The following AP1S2 variants were observed in gnomAD, a reference collection of about 807,000 sequenced individuals.
AP1S2 encodes adaptor related protein complex 1 subunit sigma 2.
In AP1S2, 1 loss-of-function variant was observed where a neutral mutation model predicts 14.3. The ratio of observed to expected loss-of-function variants is 0.07; its 90% CI spans 0.02 to 0.33. The LOEUF (loss-of-function observed/expected upper bound fraction) is 0.33, where lower values mean the gene tolerates loss of function less well. AP1S2 is among the 10% of genes least tolerant of loss of function. The probability of loss-of-function intolerance (pLI) is 0.99; values close to 1 mark genes in which losing one functional copy is unlikely to be tolerated. For synonymous variants in AP1S2, 30 were observed against 40.5 expected, an observed-to-expected ratio of 0.74 and a Z score of 0.99; for missense variants, 30 against 117.7, an observed-to-expected ratio of 0.25 and a Z score of 3.45.
chrX:15,825,809 A>C lies in AP1S2; in HGVS notation c.*1516T>G, dbSNP rs1343501476. ...AAGAGTAGAAAAGTCAACTGCATCA[A>C]GGTTTTAAAAGCAGCATTTATTGAT... On this transcript the variant is annotated 3_prime_UTR_variant, in exon 6 of 6. Coordinates refer to ENST00000672987, the MANE Select transcript of AP1S2 (RefSeq NM_001272071.2). 1 of 125,169 alleles carries C rather than the reference A, an allele frequency of 8.0e-6. No homozygotes were observed. The highest frequency in any genetic ancestry group is 1.6e-4 in the East Asian group (1 of 6,376). 10.3% of individuals were successfully genotyped at this position (125,169 alleles called of 1,213,427 possible).
chrX:15,835,241 C>G (rs1351869741), intron 4 of AP1S2, among the ~76,000 whole-genome samples: 3 of 112,187 alleles, frequency 2.7e-5, no homozygotes, highest in African/African-American at 9.7e-5. Context: ...AGTGTAATTT[C>G]AAGTTATTGC....
intron 4 of AP1S2, among the ~76,000 whole-genome samples, chrX:15,829,131 AC>A (rs1379544736): frequency 8.1e-5 from 9 of 111,116 alleles, no homozygotes; most frequent in African/African-American, 2.9e-4. Context: ...AGTGATGTGT[AC>A]ACGAGGGTTC....
chrX:15,832,178 C>G (rs1933456556), intron 4 of AP1S2: 2 of 729,509 alleles, frequency 2.7e-6, no homozygotes, highest in South Asian at 7.1e-5. Context: ...AGAAGGACTT[C>G]TAGGGGCTCT....
intron 4 of AP1S2, chrX:15,830,361 G>A (rs1479682905): frequency 1.3e-6 from 1 of 751,921 alleles, no homozygotes; most frequent in African/African-American, 2.3e-5. Context: ...GCACATCCAG[G>A]TGCTTCAAAT....
chrX:15,830,113 A>G (rs959584017), intron 4 of AP1S2: 2 of 747,162 alleles, frequency 2.7e-6, no homozygotes, highest in Non-Finnish European at 3.2e-6. Context: ...AGAATCTACT[A>G]ATTTAAAGCA....
chrX:15,837,412 C>T (rs973971860), intron 4 of AP1S2, among the ~76,000 whole-genome samples: 1 of 111,081 alleles, frequency 9.0e-6, no homozygotes, highest in African/African-American at 3.3e-5. Context: ...GCAGGGTATA[C>T]TCAATTCAGT....
At chrX:15,845,805 G>A (rs1347530240) in intron 3 of AP1S2, 98 bp downstream of exon 3, 26 of 780,433 alleles carry the variant, frequency 3.3e-5, no homozygotes, top group Admixed American at 6.9e-5. Flanking sequence ...CCTCTCCCGC[G>A]GTTAGAATCC....
chrX:15,846,750 C>T (rs1198637354), intron 2 of AP1S2, among the ~76,000 whole-genome samples: 4 of 112,274 alleles, frequency 3.6e-5, no homozygotes, highest in Non-Finnish European at 7.5e-5. Flanking sequence ...ACAGAAAGTT[C>T]CTATCACTTA....
chrX:15,845,865 C>T, intron 3 of AP1S2, 38 bp downstream of exon 3: 1 of 1,074,581 alleles, frequency 9.3e-7, no homozygotes. Context: ...CCAAAATATA[C>T]TATGGCATTC....
intron 4 of AP1S2, chrX:15,833,420 T>C: frequency 1.1e-6 from 1 of 882,605 alleles, no homozygotes; most frequent in Non-Finnish European, 1.4e-6. Flanking sequence ...TGATCCATAT[T>C]ACTGTACTTA....
chrX:15,827,703 TAA>T (rs1444630692), intron 5 of AP1S2, among the ~76,000 whole-genome samples: 2 of 112,098 alleles, frequency 1.8e-5, no homozygotes, highest in Non-Finnish European at 3.8e-5. Flanking sequence ...ATATGAAAGA[TAA>T]GTTATCTTAG....
At chrX:15,837,413 T>G (rs900682287) in intron 4 of AP1S2, among the ~76,000 whole-genome samples, 11 of 111,230 alleles carry the variant, frequency 9.9e-5, no homozygotes, top group African/African-American at 3.6e-4. Context: ...CAGGGTATAC[T>G]CAATTCAGTT....
chrX:15,842,490 A>C lies in AP1S2; in HGVS notation c.426+2889T>G, dbSNP rs147146022. 2.9e-3 allele frequency among the ~76,000 whole-genome samples: 321 copies of C among 111,961 alleles called. 2 individuals are homozygous for C. The highest frequency in any genetic ancestry group is 9.4e-3 in the African/African-American group (290 of 30,816). ...CCTACATGGCTAAGAAAAATGGTTC[A>C]CTCAGACTGCTAAATAGACAATGTC... On this transcript the variant is annotated intron_variant, in intron 4 of 5. Coordinates refer to ENST00000672987, the MANE Select transcript of AP1S2 (RefSeq NM_001272071.2).
chrX:15,833,939 C>A (rs893704995), intron 4 of AP1S2, among the ~76,000 whole-genome samples: 1 of 111,202 alleles, frequency 9.0e-6, no homozygotes, highest in Admixed American at 9.6e-5. Context: ...GCAAACTATC[C>A]GTTTCTTAAA....
intron 4 of AP1S2, among the ~76,000 whole-genome samples, chrX:15,838,517 C>T (rs1013290207): frequency 6.4e-5 from 7 of 109,217 alleles, no homozygotes; most frequent in Non-Finnish European, 1.3e-4. Flanking sequence ...ACCACCGACA[C>T]CACAGACTAT....
intron 2 of AP1S2, among the ~76,000 whole-genome samples, chrX:15,846,731 A>G (rs775459477): frequency 8.9e-6 from 1 of 112,584 alleles, no homozygotes; most frequent in South Asian, 3.6e-4. Flanking sequence ...CAGAAGTTAG[A>G]GAAAGAGAAC....
At chrX:15,841,406 C>G (rs113498543) in intron 4 of AP1S2, among the ~76,000 whole-genome samples, 2,313 of 111,176 alleles carry the variant, frequency 0.021, 57 homozygotes, top group African/African-American at 0.069. Flanking sequence ...AGACCTGACA[C>G]TAAACAGAAA....
At chrX:15,850,236 A>T (rs1439538801) in intron 2 of AP1S2, among the ~76,000 whole-genome samples, 1 of 111,554 alleles carries the variant, frequency 9.0e-6, no homozygotes, top group East Asian at 2.8e-4. Context: ...AAAGTCACAT[A>T]GACATCCCCA....
intron 4 of AP1S2, among the ~76,000 whole-genome samples, chrX:15,842,225 A>G (rs1182232992): frequency 5.3e-5 from 6 of 112,365 alleles, no homozygotes; most frequent in Admixed American, 1.9e-4. Flanking sequence ...ATAATATTCA[A>G]ATACTCTCCC....
Sources: allele counts gnomAD v4.1 joint callset (sites outside exome capture counted in the v4.1 genomes callset), GRCh38; gene constraint gnomAD v4.1.1; transcripts MANE v1.5; gene names NCBI Gene and HGNC (gene_info 2026-07-23, HGNC 2026-07-21).